GNB1: variants seen among roughly 807,000 people sequenced by gnomAD.
The protein encoded by GNB1 is G protein subunit beta 1.
In GNB1, 2 loss-of-function variants were observed where a neutral mutation model predicts 42.9. The ratio of observed to expected loss-of-function variants is 0.05; its 90% confidence interval spans 0.02 to 0.15. The LOEUF (loss-of-function observed/expected upper bound fraction) is 0.15. Ranked by LOEUF, GNB1 falls within the 10% of genes least tolerant of loss-of-function variation. GNB1 has a pLI of 1.00. For missense variants in GNB1, 193 were observed against 462.2 expected, an observed-to-expected ratio of 0.42 and a Z score of 5.34; for synonymous variants, 183 against 174.7, an observed-to-expected ratio of 1.05 and a Z score of -0.38.
At chr1:1,788,514 C>G (rs2100468446) in intron 10 of GNB1, 1 of 155,200 alleles carries the variant, frequency 6.4e-6, no homozygotes, top group South Asian at 2.0e-4. Flanking sequence ...CATCCGGAAG[C>G]AGGAAGCCCC....
At chr1:1,871,037 T>A (rs961754351) in intron 1 of GNB1, among the ~76,000 whole-genome samples, 32 of 151,692 alleles carry the variant, frequency 2.1e-4, no homozygotes, top group African/African-American at 6.8e-4. Context: ...CTTCTTTAAG[T>A]CGTATCTACA....
At chr1:1,856,182 T>C (rs372241026) in intron 1 of GNB1, among the ~76,000 whole-genome samples, 2 of 152,194 alleles carry the variant, frequency 1.3e-5, no homozygotes, top group Non-Finnish European at 2.9e-5. Flanking sequence ...CCATCACACC[T>C]GGCTAACTTT....
chr1:1,856,947 A>G (rs773618967), intron 1 of GNB1, among the ~76,000 whole-genome samples: 1 of 152,360 alleles, frequency 6.6e-6, no homozygotes, highest in Non-Finnish European at 1.5e-5. Flanking sequence ...TACCGTAAAG[A>G]CATTCAGGAG....
chr1:1,791,146 C>T (rs3737626), intron 8 of GNB1, among the ~76,000 whole-genome samples: 3 of 151,406 alleles, frequency 2.0e-5, no homozygotes, highest in Non-Finnish European at 4.4e-5. Flanking sequence ...AGGAGAGCAG[C>T]TGAGTTCTCA....
At chr1:1,788,797 C>T (rs1382732644) in intron 10 of GNB1, 2 of 456,362 alleles carry the variant, frequency 4.4e-6, no homozygotes, top group South Asian at 2.4e-5. Context: ...GGAGCCTGCA[C>T]AGCTGACCCT....
Position 1,786,384 on chromosome 1 carries a change from G to C in GNB1, c.*679C>G. ...TGATCACGCATTTGAGACCGTCCCC[G>C]CATGTGCTTGGCCCCATGGCTTCTG... On this transcript the variant is annotated 3_prime_UTR_variant, in exon 12 of 12. Transcript: ENST00000378609. 3.7e-6 allele frequency: 1 copy of C among 271,748 alleles called. No individual in the cohort carries two copies. The highest frequency in any genetic ancestry group is 6.8e-6 in the Non-Finnish European group (1 of 146,046). The allele number at this position is 271,748 out of a possible 1,614,324, so 16.8% of individuals were successfully genotyped here.
intron 1 of GNB1, among the ~76,000 whole-genome samples, chr1:1,883,278 CAA>C (rs70937202): frequency 5.2e-4 from 39 of 75,342 alleles, no homozygotes; most frequent in Non-Finnish European, 5.2e-4. Flanking sequence ...AACCCTGTCC[CAA>C]AAAAAAAAAA....
chr1:1,822,807 G>A (rs1646949745), intron 3 of GNB1, among the ~76,000 whole-genome samples: 1 of 152,092 alleles, frequency 6.6e-6, no homozygotes, highest in Admixed American at 6.6e-5. Context: ...TTTCACCTGT[G>A]CCATACAAGC....
Position 1,845,216 on chromosome 1 carries a change from G to A in GNB1, c.-95-5978C>T, listed in dbSNP as rs193127739. On this transcript the variant is annotated intron_variant, in intron 1 of 11. Transcript: ENST00000378609. ...TTTAGAATACTCTAACTGTACAAAC[G>A]TGGGGGTACATTCTAAGGGCAAATA... is the stretch of plus-strand genomic sequence containing the variant. Among the ~76,000 whole-genome samples the A allele has an allele frequency of 6.6e-5, 10 of 152,260 alleles. No homozygotes were observed. The East Asian group carries it at 1.9e-3, about 29-fold the overall frequency.
At chr1:1,829,829 C>T (rs1449336576) in intron 2 of GNB1, among the ~76,000 whole-genome samples, 1 of 152,160 alleles carries the variant, frequency 6.6e-6, no homozygotes, top group East Asian at 1.9e-4. Flanking sequence ...ACCTCCGCCT[C>T]CCGATTTCAA....
rs35226472 is a variant in GNB1, at chr1:1,876,492, C to CGAGAGAGAGAGAGAGAGAGA, written c.-96+14308_-96+14327dup. 1.4e-3 allele frequency among the ~76,000 whole-genome samples: 213 copies of CGAGAGAGAGAGAGAGAGAGA among 147,880 alleles called. 1 individual carries two copies. Among genetic ancestry groups the CGAGAGAGAGAGAGAGAGAGA allele is most frequent in the African/African-American group, 5.1e-3 (203 of 39,930 alleles). On this transcript the variant is annotated intron_variant, in intron 1 of 11. Coordinates refer to ENST00000378609, the MANE Select transcript of GNB1 (RefSeq NM_002074.5). ...AAGAGAGAGGACATGCATGTGCACA[C>CGAGAGAGAGAGAGAGAGAGA]GAGAGAGAGAGAGAGAGAGAGAGCG... is the stretch of plus-strand genomic sequence containing the variant.
chr1:1,883,765 A>G (rs1196969561), intron 1 of GNB1, among the ~76,000 whole-genome samples: 2 of 152,210 alleles, frequency 1.3e-5, no homozygotes, highest in African/African-American at 4.8e-5. Context: ...CAGTGCGAAT[A>G]AAAGTCCTAA....
intron 1 of GNB1, among the ~76,000 whole-genome samples, chr1:1,863,758 G>A (rs141052103): frequency 2.2e-4 from 33 of 152,300 alleles, no homozygotes; most frequent in African/African-American, 7.7e-4. Flanking sequence ...GATTTAAGTT[G>A]GAAAAATTCA....
At chr1:1,868,890 A>G (rs1296842960) in intron 1 of GNB1, among the ~76,000 whole-genome samples, 4 of 152,056 alleles carry the variant, frequency 2.6e-5, no homozygotes, top group Non-Finnish European at 4.4e-5. Context: ...TCTATAAAGA[A>G]TAAGTTATTT....
At chr1:1,817,300 C>T (rs1443510323) in intron 4 of GNB1, among the ~76,000 whole-genome samples, 2 of 152,170 alleles carry the variant, frequency 1.3e-5, no homozygotes, top group Admixed American at 1.3e-4. Flanking sequence ...GCTGATAATA[C>T]TCCAGGGCAC....
chr1:1,856,795 T>TA (rs1648329188), intron 1 of GNB1, among the ~76,000 whole-genome samples: 1 of 152,244 alleles, frequency 6.6e-6, no homozygotes, highest in African/African-American at 2.4e-5. Flanking sequence ...AGTTTGGTGA[T>TA]ATGTTGGGAC....
intron 7 of GNB1, among the ~76,000 whole-genome samples, chr1:1,795,460 A>C (rs1646533750): frequency 6.6e-6 from 1 of 152,172 alleles, no homozygotes; most frequent in African/African-American, 2.4e-5. Flanking sequence ...TCCCAAGTTT[A>C]CTGCATGAAA....
chr1:1,794,177 T>C (rs1371298326), intron 7 of GNB1: 1 of 151,904 alleles, frequency 6.6e-6, no homozygotes, highest in African/African-American at 2.4e-5. Context: ...ACTTCCAAAA[T>C]GAGGAAAAGC....
At chr1:1,812,485 G>T (rs1484145045) in intron 5 of GNB1, among the ~76,000 whole-genome samples, 1 of 151,646 alleles carries the variant, frequency 6.6e-6, no homozygotes, top group Non-Finnish European at 1.5e-5. Context: ...GGCCTATCCA[G>T]AAAAAAACGG....
Sources: gnomAD v4.1 joint callset for allele counts (sites outside exome capture counted in the v4.1 genomes callset) on GRCh38, gnomAD v4.1.1 for gene constraint, MANE v1.5 for transcripts, NCBI Gene and HGNC (gene_info 2026-07-23, HGNC 2026-07-21) for gene names.